The following TAS1R1 variants were observed in gnomAD, a reference collection of about 807,000 sequenced individuals.
The protein encoded by TAS1R1 is taste receptor type 1 member 1.
TAS1R1 carries 31 observed loss-of-function variants against 45.8 expected under a neutral mutation model. The observed-to-expected ratio is 0.68, with a 90% CI of 0.51 to 0.91. The LOEUF (loss-of-function observed/expected upper bound fraction) is 0.91. TAS1R1 is among the 40% of genes least tolerant of loss of function. TAS1R1 has a pLI of 0.00. For missense variants in TAS1R1, 1,051 were observed against 1,063.9 expected, an observed-to-expected ratio of 0.99 and a Z score of 0.17; for synonymous variants, 437 against 448.4, an observed-to-expected ratio of 0.97 and a Z score of 0.32.
chr1:6,567,847 C>T (rs1323395497), intron 1 of TAS1R1, among the ~76,000 whole-genome samples: 2 of 152,118 alleles, frequency 1.3e-5, no homozygotes, highest in African/African-American at 2.4e-5. Context: ...CTTCATCACT[C>T]GTGGATTAGG....
intron 1 of TAS1R1, among the ~76,000 whole-genome samples, chr1:6,566,084 G>C (rs902630299): frequency 1.4e-4 from 22 of 152,196 alleles, no homozygotes; most frequent in African/African-American, 4.6e-4. Flanking sequence ...GAGTCTTCTA[G>C]GGAAGGACTA....
At chr1:6,564,641 G>A (rs375015274) in intron 1 of TAS1R1, among the ~76,000 whole-genome samples, 2 of 152,248 alleles carry the variant, frequency 1.3e-5, no homozygotes, top group African/African-American at 4.8e-5. Flanking sequence ...GGACGCTGAG[G>A]GACTGATAAA....
At chr1:6,570,836 A>T in intron 1 of TAS1R1, 73 bp from the exon 2 acceptor site, 7 of 1,389,196 alleles carry the variant, frequency 5.0e-6, no homozygotes, top group Non-Finnish European at 6.9e-6. Context: ...CCCAAGCCTC[A>T]GAGTCTAGGA....
chr1:6,567,810 T>C (rs1017671599), intron 1 of TAS1R1, among the ~76,000 whole-genome samples: 1 of 152,176 alleles, frequency 6.6e-6, no homozygotes, highest in African/African-American at 2.4e-5. Flanking sequence ...TCCAGTGGCC[T>C]GTCTGCTGGC....
chr1:6,579,013 G>C lies in TAS1R1; in HGVS notation c.1955G>C (p.Arg652Pro). The C allele has an allele frequency of 6.2e-7, 1 of 1,613,620 alleles. No individual in the cohort carries two copies. Among genetic ancestry groups the C allele is most frequent in the East Asian group, 2.2e-5 (1 of 44,872 alleles). ...ATCTTCCTGTCCTGCCTGACAGTTC[G>C]CTCATTCCAACTAATCATCATCTTC... The part of the protein sequence containing the change: ...FTIFLSCLTV[R>P]SFQLIIIFKF... The change falls in exon 6 of 6, where the codon CGC becomes CCC. Residue 652 changes from arginine to proline, a missense_variant. Transcript: ENST00000333172.
chr1:6,558,674 C>T (rs375861926), intron 1 of TAS1R1, among the ~76,000 whole-genome samples: 4 of 149,622 alleles, frequency 2.7e-5, no homozygotes, highest in African/African-American at 7.3e-5. Flanking sequence ...GAGCCGAGAT[C>T]GTGCACTCCA....
chr1:6,567,096 C>T (rs1203048886), intron 1 of TAS1R1, among the ~76,000 whole-genome samples: 1 of 152,142 alleles, frequency 6.6e-6, no homozygotes, highest in Admixed American at 6.6e-5. Flanking sequence ...TAAAAGGTCT[C>T]AGCCTAGAAT....
chr1:6,574,898 A>G lies in TAS1R1; in HGVS notation c.766A>G (p.Met256Val). 1.2e-6 allele frequency: 2 copies of G among 1,614,228 alleles called. No homozygotes were observed. Residue 256 changes from methionine to valine, a missense_variant, in exon 3 of 6, where the codon ATG (methionine) becomes GTG (valine). Physicochemically the swap from Met to Val is conservative, Grantham distance 21. Transcript: ENST00000333172. The surrounding 1 kb of genome is among the most constrained non-coding windows in gnomAD (Gnocchi z 4.3). Reference protein sequence around the residue: ...PFSAQVGDERMQCLMRHLAQA... With the variant: ...PFSAQVGDERVQCLMRHLAQA... ...CTCTGCCCAGGTGGGCGATGAGAGG[A>G]TGCAGTGCCTCATGCGCCACCTGGC...
intron 1 of TAS1R1, among the ~76,000 whole-genome samples, chr1:6,562,304 GACT>G (rs1212267717): frequency 3.3e-5 from 5 of 152,240 alleles, no homozygotes; most frequent in Admixed American, 6.5e-5. Flanking sequence ...AAGTAGCTGG[GACT>G]ACAGGCGACC....
At chr1:6,560,486 A>G (rs1639763428) in intron 1 of TAS1R1, among the ~76,000 whole-genome samples, 1 of 152,210 alleles carries the variant, frequency 6.6e-6, no homozygotes. Context: ...TTCCTGGTCG[A>G]TGGGCAAAAC....
At chr1:6,569,534 G>A (rs1639955123) in intron 1 of TAS1R1, among the ~76,000 whole-genome samples, 2 of 152,184 alleles carry the variant, frequency 1.3e-5, no homozygotes, top group African/African-American at 2.4e-5. Flanking sequence ...CTGAATGGAG[G>A]CCGAGGGCAT....
rs750788219 is a variant in TAS1R1, at chr1:6,570,892, A to G, written c.192-17A>G. 7.6e-6 allele frequency: 12 copies of G among 1,578,298 alleles called. 1 individual carries two copies. In the South Asian group the frequency reaches 1.4e-4, roughly 19 times the overall value. ...CCTTTGTCCTTCTCAGCTGTCTCTT[A>G]CTGGCTTTCTCCACAGGTCTTGTAG... On this transcript the variant is annotated splice_polypyrimidine_tract_variant and intron_variant, in intron 1 of 5. Coordinates refer to ENST00000333172, the MANE Select transcript of TAS1R1 (RefSeq NM_138697.4).
intron 1 of TAS1R1, among the ~76,000 whole-genome samples, chr1:6,558,441 C>G (rs1043517799): frequency 6.6e-6 from 1 of 151,944 alleles, no homozygotes; most frequent in Non-Finnish European, 1.5e-5. Context: ...TTATTTTGGC[C>G]GAACGTGGTG....
rs1245734669 is a variant in TAS1R1, at chr1:6,574,809, A to G, written c.677A>G (p.Gln226Arg). The change falls in exon 3 of 6, where the codon CAG becomes CGG. Residue 226 changes from glutamine (Q) to arginine (R), a missense_variant. By Grantham distance (43) the Gln-to-Arg change is conservative (BLOSUM62 1). Coordinates refer to ENST00000333172, the MANE Select transcript of TAS1R1 (RefSeq NM_138697.4). This position sits in a 1 kb window ranked among gnomAD's most constrained non-coding sequence, Gnocchi z 4.3. Reference sequence around the variant, plus strand: ...GACGACTATGGGCAGCTAGGGGTGCAGGCACTGGAGAACCAGGCCACTGGT... The same window carrying G: ...GACGACTATGGGCAGCTAGGGGTGCGGGCACTGGAGAACCAGGCCACTGGT... ...SSDDYGQLGV[Q>R]ALENQATGQG... The G allele has an allele frequency of 6.2e-7, 1 of 1,614,264 alleles. No homozygotes were observed. The highest frequency in any genetic ancestry group is 1.3e-5 in the African/African-American group (1 of 75,072).
chr1:6,564,545 T>A (rs1267881652), intron 1 of TAS1R1, among the ~76,000 whole-genome samples: 2 of 151,598 alleles, frequency 1.3e-5, no homozygotes, highest in African/African-American at 4.8e-5. Flanking sequence ...CAAGAGTGAG[T>A]TTGGTTAACT....
rs41278020 is a variant in TAS1R1, at chr1:6,571,046, C to T, written c.329C>T (p.Ala110Val). Residue 110 changes from alanine (A) to valine (V), a missense_variant, in exon 2 of 6, where the codon GCC becomes GTC. Coordinates refer to ENST00000333172, the MANE Select transcript of TAS1R1 (RefSeq NM_138697.4). Reference sequence around the variant, plus strand: ...CTGTATGATGTGTGTTCTGACTCTGCCAATGTGTATGCCACGCTGAGAGTG... The same window carrying T: ...CTGTATGATGTGTGTTCTGACTCTGTCAATGTGTATGCCACGCTGAGAGTG... Reference protein sequence around the residue: ...YQLYDVCSDSANVYATLRVLS... With the variant: ...YQLYDVCSDSVNVYATLRVLS... 0.016 allele frequency: 25,716 copies of T among 1,614,170 alleles called. 270 individuals carry two copies. Among genetic ancestry groups the T allele is most frequent in the Non-Finnish European group, 0.019 (22,363 of 1,180,030 alleles).
In TAS1R1 at chr1:6,574,486, C is replaced by A; in HGVS notation, c.499-145C>A. The A allele has an allele frequency of 9.4e-7, 1 of 1,059,640 alleles. No individual in the cohort carries two copies. Among genetic ancestry groups the A allele is most frequent in the Non-Finnish European group, 1.3e-6 (1 of 757,200 alleles). The allele number at this position is 1,059,640 out of a possible 1,614,324, so 65.6% of individuals were successfully genotyped here. ...TCCCCCAGAACCTGCCCCAGTGGAG[C>A]CTTCGCAGGTGATTTGTCAGTTTCA... On this transcript the variant is annotated intron_variant, in intron 2 of 5. Coordinates refer to ENST00000333172, the MANE Select transcript of TAS1R1 (RefSeq NM_138697.4). The surrounding 1 kb of genome is among the most constrained non-coding windows in gnomAD (Gnocchi z 4.3).
intron 2 of TAS1R1, among the ~76,000 whole-genome samples, chr1:6,573,187 G>A (rs1197038306): frequency 1.4e-5 from 2 of 148,128 alleles, no homozygotes; most frequent in Admixed American, 6.6e-5. Context: ...CACCGGGCGC[G>A]GGGGCTCACG....
At chr1:6,560,549 G>C (rs1639764757) in intron 1 of TAS1R1, among the ~76,000 whole-genome samples, 1 of 152,104 alleles carries the variant, frequency 6.6e-6, no homozygotes, top group South Asian at 2.1e-4. Flanking sequence ...GTGAAAAAAA[G>C]AGGGGACAGA....
Sources: allele counts gnomAD v4.1 joint callset (sites outside exome capture counted in the v4.1 genomes callset), GRCh38; gene constraint gnomAD v4.1.1; non-coding constraint Gnocchi (gnomAD v3.1); transcripts MANE v1.5; gene names NCBI Gene and HGNC (gene_info 2026-07-23, HGNC 2026-07-21).